The following NUMA1 variants were observed in gnomAD, a reference collection of about 807,000 sequenced individuals.
NUMA1 encodes nuclear mitotic apparatus protein 1.
In NUMA1, 62 loss-of-function variants were observed where a neutral mutation model predicts 237.1. The observed-to-expected ratio is 0.26, with a 90% CI of 0.21 to 0.32. The LOEUF (loss-of-function observed/expected upper bound fraction) is 0.32, where lower values mean the gene tolerates loss of function less well. Among genes scored for constraint, NUMA1 ranks in the 10% least tolerant of loss-of-function variants. The pLI is 1.00. For missense variants in NUMA1, 2,533 were observed against 2,666.5 expected, an observed-to-expected ratio of 0.95 and a Z score of 1.10; for synonymous variants, 1,028 against 1,066.1, an observed-to-expected ratio of 0.96 and a Z score of 0.70.
intron 23 of NUMA1, 141 bp downstream of exon 23, chr11:72,005,092 C>T: frequency 9.7e-7 from 1 of 1,026,468 alleles, no homozygotes; most frequent in African/African-American, 1.6e-5. Context: ...CTGTCTGTTC[C>T]ACCTGGAAAC....
At chr11:72,018,581 G>T in intron 10 of NUMA1, 68 bp from the exon 11 acceptor site, 2 of 1,340,646 alleles carry the variant, frequency 1.5e-6, no homozygotes. Context: ...TATGTGCACA[G>T]AACTATGTGC....
chr11:72,076,111 C>T (rs1226425797), intron 1 of NUMA1, among the ~76,000 whole-genome samples: 2 of 152,218 alleles, frequency 1.3e-5, no homozygotes, highest in Admixed American at 1.3e-4. Flanking sequence ...AAGTGGCTCA[C>T]GCCAGTAATC....
At chr11:72,025,556 C>G (rs1939471224) in intron 4 of NUMA1, among the ~76,000 whole-genome samples, 1 of 152,190 alleles carries the variant, frequency 6.6e-6, no homozygotes. Context: ...AATACCACTT[C>G]AAGTTAGAAA....
At chr11:72,012,803 T>G in intron 15 of NUMA1, 92 bp downstream of exon 15, 1 of 1,513,930 alleles carries the variant, frequency 6.6e-7, no homozygotes, top group Non-Finnish European at 8.9e-7. Flanking sequence ...GACACTCCAG[T>G]GTAGGAGCTA....
intron 2 of NUMA1, among the ~76,000 whole-genome samples, chr11:72,040,445 TACACACACACACACACAC>T (rs66621771): frequency 0.42 from 57,217 of 136,374 alleles, 13,584 homozygotes; most frequent in East Asian, 0.48. Context: ...CGCGTACACA[TACACACACACACACACAC>T]ACACACACAC....
In NUMA1 at chr11:72,009,055, T is replaced by G. The variant is rs1167760864; in HGVS notation, c.4970A>C (p.His1657Pro). ...CTTCAGCCCAGCCTGCTGTAGCTCA[T>G]GGCCCAGCCGTTCAGCTTCAGCTCG... ...ELRAEAERLG[H>P]ELQQAGLKTK... Residue 1657 changes from histidine (H) to proline (P), a missense_variant, in exon 19 of 27, where the codon CAT becomes CCT. His to Pro is a moderately conservative substitution (Grantham distance 77, BLOSUM62 -2). Transcript: ENST00000393695. 1 of 1,613,672 alleles carries G rather than the reference T, an allele frequency of 6.2e-7. No individual in the cohort carries two copies. Among genetic ancestry groups the G allele is most frequent in the Non-Finnish European group, 8.5e-7 (1 of 1,180,040 alleles).
At chr11:72,061,626 G>A (rs1942951096) in intron 2 of NUMA1, among the ~76,000 whole-genome samples, 1 of 151,326 alleles carries the variant, frequency 6.6e-6, no homozygotes, top group Non-Finnish European at 1.5e-5. Flanking sequence ...GAGTAGCTGG[G>A]ACCACAGGCA....
chr11:72,070,060 G>A (rs1028889856), intron 1 of NUMA1, 149 bp from the exon 2 acceptor site: 2 of 152,182 alleles, frequency 1.3e-5, no homozygotes, highest in Non-Finnish European at 2.9e-5. Flanking sequence ...CCAGGTCAAC[G>A]GGGTGAGTCA....
chr11:72,046,231 G>A (rs1193006839), intron 2 of NUMA1, among the ~76,000 whole-genome samples: 2 of 152,232 alleles, frequency 1.3e-5, no homozygotes, highest in Admixed American at 1.3e-4. Flanking sequence ...GAGCGGGAAA[G>A]GAGTGGTAAA....
intron 1 of NUMA1, among the ~76,000 whole-genome samples, chr11:72,077,758 G>A (rs962114608): frequency 1.4e-5 from 2 of 147,524 alleles, no homozygotes; most frequent in Non-Finnish European, 3.0e-5. Context: ...AGCTTGCAGT[G>A]AGCCGAGACT....
chr11:72,003,969 C>A lies in NUMA1; in HGVS notation c.6254G>T (p.Arg2085Leu). ...KASPNTRSGT[R>L]RSPRIATTTA... ...GGTGGTGGCAATGCGCGGAGAACGGCGGGTTCCACTGCGAGTGTTGGGGGA... is the reference window on the plus strand; with the variant it reads ...GGTGGTGGCAATGCGCGGAGAACGGAGGGTTCCACTGCGAGTGTTGGGGGA... The change falls in exon 26 of 27, where the codon CGC (arginine) becomes CTC (leucine). Residue 2085 changes from arginine to leucine, a missense_variant. Arg to Leu is a moderately radical substitution (Grantham distance 102). This residue lies in a region of NUMA1 where 795 missense variants were observed against 750.8 expected (regional missense o/e 1.06). Transcript: ENST00000393695. The A allele has an allele frequency of 6.2e-7, 1 of 1,613,240 alleles. No homozygotes were observed. The highest frequency in any genetic ancestry group is 8.5e-7 in the Non-Finnish European group (1 of 1,179,626).
intron 2 of NUMA1, among the ~76,000 whole-genome samples, chr11:72,069,088 T>G (rs1943331526): frequency 6.6e-6 from 1 of 152,218 alleles, no homozygotes; most frequent in Non-Finnish European, 1.5e-5. Context: ...AGAACACAAT[T>G]ACTTTGAAGG....
At chr11:72,026,687 C>CT (rs571280550) in intron 4 of NUMA1, among the ~76,000 whole-genome samples, 39 of 152,118 alleles carry the variant, frequency 2.6e-4, no homozygotes, top group African/African-American at 8.7e-4. Context: ...CAGGGTGCCC[C>CT]TTGTCCAGTG....
chr11:72,003,982 G>A lies in NUMA1; in HGVS notation c.6241C>T (p.Arg2081Cys), dbSNP rs149006752. ...KALSKASPNT[R>C]SGTRRSPRIA... ...CGCGGAGAACGGCGGGTTCCACTGC[G>A]AGTGTTGGGGGAAGCCTTGGACAGG... Residue 2081 changes from arginine (R) to cysteine (C), a missense_variant, in exon 26 of 27, where the codon CGC becomes TGC. Arg to Cys is a radical substitution (Grantham distance 180). Around this residue, in one of 3 missense-constraint regions of NUMA1, gnomAD observed 795 missense variants for 750.8 expected, o/e 1.06. Coordinates refer to ENST00000393695, the MANE Select transcript of NUMA1 (RefSeq NM_006185.4). 55 of 1,613,270 alleles carry A rather than the reference G, an allele frequency of 3.4e-5. No homozygotes were observed. Among genetic ancestry groups the A allele is most frequent in the African/African-American group, 1.6e-4 (12 of 75,032 alleles).
At chr11:72,003,576 G>GC in intron 26 of NUMA1, 38 bp from the exon 27 acceptor site, 1 of 1,613,762 alleles carries the variant, frequency 6.2e-7, no homozygotes, top group Non-Finnish European at 8.5e-7. Context: ...ATGAGAACTT[G>GC]CGATACTAGC....
chr11:72,074,558 G>A (rs1461576599), intron 1 of NUMA1, among the ~76,000 whole-genome samples: 2 of 152,078 alleles, frequency 1.3e-5, no homozygotes, highest in Non-Finnish European at 2.9e-5. Context: ...GGGCAACATA[G>A]TGAGACCTCG....
At position 72,009,199 on chromosome 11, in the gene NUMA1, G is replaced by T. The variant is rs761406029; in HGVS notation, c.4840-14C>A. On this transcript the variant is annotated splice_polypyrimidine_tract_variant and intron_variant, in intron 18 of 26. Transcript: ENST00000393695. ...GGCTTTCTCCATCTGTGGGCAGAGA[G>T]GGTGGGTGGGTGGGGTAGAGGTTGA... 1 of 914,914 alleles carries T rather than the reference G, an allele frequency of 1.1e-6. No homozygotes were observed. Among genetic ancestry groups the T allele is most frequent in the East Asian group, 4.4e-5 (1 of 22,608 alleles). The allele number at this position is 914,914 out of a possible 1,614,324, so 56.7% of individuals were successfully genotyped here. A position where few individuals can be genotyped will look rare whatever the true frequency, so the allele number is the denominator to read the frequency against.
In NUMA1 at chr11:72,009,243, C is replaced by T. The variant is rs529866340; in HGVS notation, c.4839+25G>A. On this transcript the variant is annotated intron_variant, in intron 18 of 26. Transcript: ENST00000393695. ...AGGTTGAAGGGCAGGAGGAAGGTGG[C>T]ATGGGCTGGGGCTGGGCTCCTTACC... The T allele has an allele frequency of 4.4e-5, 70 of 1,604,798 alleles. 1 individual carries two copies. The Admixed American group carries it at 8.1e-4, about 19-fold the overall frequency.
intron 7 of NUMA1, among the ~76,000 whole-genome samples, chr11:72,021,809 T>TCG (rs1938877444): frequency 6.6e-6 from 1 of 152,154 alleles, no homozygotes; most frequent in African/African-American, 2.4e-5. Flanking sequence ...AGACAGGGTC[T>TCG]CGCTATGTTA....
Sources: allele counts gnomAD v4.1 joint callset (sites outside exome capture counted in the v4.1 genomes callset), GRCh38; gene constraint gnomAD v4.1.1; regional missense constraint gnomAD v4.1.1; transcripts MANE v1.5; gene names NCBI Gene and HGNC (gene_info 2026-07-23, HGNC 2026-07-21).